The following DOP1B variants were observed in gnomAD, a reference collection of about 807,000 sequenced individuals.
The protein encoded by DOP1B is DOP1 leucine zipper like protein B.
In DOP1B, 174 loss-of-function variants were observed where a neutral mutation model predicts 233.5. That is an observed-to-expected ratio of 0.75 (90% confidence interval 0.66 to 0.85). DOP1B has a LOEUF of 0.85. Among genes scored for constraint, DOP1B ranks in the 40% least tolerant of loss-of-function variants. The pLI is 0.00. For missense variants in DOP1B, 2,652 were observed against 2,846.6 expected (o/e 0.93, Z 1.56); for synonymous variants, 1,190 against 1,185.6 (o/e 1.00, Z -0.08).
chr21:36,237,985 T>C (rs574965693), intron 16 of DOP1B, among the ~76,000 whole-genome samples: 3 of 152,240 alleles, frequency 2.0e-5, no homozygotes, highest in South Asian at 4.1e-4. Context: ...CTGGGCAACA[T>C]GGTGAAACCC....
At chr21:36,168,848 A>T in intron 2 of DOP1B, 3 of 345,556 alleles carry the variant, frequency 8.7e-6, no homozygotes, top group South Asian at 3.1e-5. Context: ...TCAGTTTTTT[A>T]AAAATGATAA....
In DOP1B at chr21:36,288,799, A is replaced by T. The variant is rs1047052221; in HGVS notation, c.6341A>T (p.Asp2114Val). The T allele has an allele frequency of 1.9e-6, 3 of 1,613,366 alleles. No individual in the cohort carries two copies. In the East Asian group the frequency reaches 6.7e-5, roughly 36 times the overall value. The change falls in exon 34 of 37, where the codon GAT (aspartate) becomes GTT (valine). Residue 2114 changes from aspartate (D) to valine (V), a missense_variant. Transcript: ENST00000691173. ...CTTGAAGAAGATCTAAAAGATGAAG[A>T]TGAGTCATTGAGGTAAGCAGTACAA... The part of the protein sequence containing the change: ...TQLEEDLKDE[D>V]ESLRSTNKVN...
At chr21:36,280,847 C>A (rs1555899951) in intron 31 of DOP1B, among the ~76,000 whole-genome samples, 3 of 151,872 alleles carry the variant, frequency 2.0e-5, no homozygotes, top group Non-Finnish European at 1.5e-5. Flanking sequence ...ACTAAAAATA[C>A]AAAAAATAGC....
chr21:36,169,441 G>T (rs536490854), intron 2 of DOP1B: 17 of 1,046,750 alleles, frequency 1.6e-5, no homozygotes, highest in East Asian at 7.1e-5. Flanking sequence ...CCTTGCACAG[G>T]CCTCGGTGGG....
chr21:36,230,365 A>G (rs2066745629), intron 13 of DOP1B, 85 bp from the exon 14 acceptor site: 5 of 1,428,838 alleles, frequency 3.5e-6, no homozygotes, highest in Non-Finnish European at 4.7e-6. Context: ...GAAAAACAGA[A>G]TTGAAATACA....
At chr21:36,289,949 G>A (rs890866337) in intron 35 of DOP1B, among the ~76,000 whole-genome samples, 4 of 152,196 alleles carry the variant, frequency 2.6e-5, no homozygotes, top group Non-Finnish European at 5.9e-5. Flanking sequence ...TGAAATTATT[G>A]CATACAGAGC....
Position 36,263,621 on chromosome 21 carries a change from A to G in DOP1B, c.5391A>G (p.Leu1797=), listed in dbSNP as rs762994813. The G allele has an allele frequency of 6.2e-7, 1 of 1,614,190 alleles. No individual in the cohort carries two copies. Among genetic ancestry groups the G allele is most frequent in the Non-Finnish European group, 8.5e-7 (1 of 1,180,036 alleles). ...GVLKESVQLN[L]APPGYFLLLS... is the part of the protein sequence containing the mutation. ...TGAAAGAGTCTGTACAGTTGAATCT[A>G]GCCCCACCTGGGTATTTTCTGCTTC... Residue 1797 remains leucine, a synonymous_variant, in exon 25 of 37, where the codon CTA becomes CTG. Coordinates refer to ENST00000691173, the MANE Select transcript of DOP1B (RefSeq NM_001320714.2).
chr21:36,251,117 GC>G, intron 21 of DOP1B, 44 bp from the exon 22 acceptor site: 1 of 1,589,538 alleles, frequency 6.3e-7, no homozygotes, highest in Non-Finnish European at 8.5e-7. Context: ...TGATGCCATA[GC>G]CCCAATATTA....
At chr21:36,214,657 A>G (rs372455978) in intron 9 of DOP1B, 101 bp downstream of exon 9, 1 of 1,022,762 alleles carries the variant, frequency 9.8e-7, no homozygotes, top group Non-Finnish European at 1.4e-6. Flanking sequence ...TATTTTGAAT[A>G]TAATTTAATA....
At chr21:36,242,193 A>ATTATTATT (rs1475307205) in intron 18 of DOP1B, among the ~76,000 whole-genome samples, 1 of 98,540 alleles carries the variant, frequency 1.0e-5, no homozygotes, top group African/African-American at 4.7e-5. Context: ...TTATTATTGA[A>ATTATTATT]GAAGAGTCTC....
At chr21:36,247,880 G>A (rs554958555) in intron 20 of DOP1B, among the ~76,000 whole-genome samples, 7 of 152,386 alleles carry the variant, frequency 4.6e-5, no homozygotes, top group African/African-American at 1.7e-4. Flanking sequence ...AAATGCATAA[G>A]TATGTATGTC....
rs771016148 is a variant in DOP1B at position 36,292,240 on chromosome 21, G to GCTTTT, written c.6645+23_6645+27dup. On this transcript the variant is annotated splice_region_variant and intron_variant, in intron 36 of 36. Coordinates refer to ENST00000691173, the MANE Select transcript of DOP1B (RefSeq NM_001320714.2). ...TCTAAAATTAAAGTTTGGGGTAAGT[G>GCTTTT]CTTTTCTTTTCTTTTCTTTTTTTTT... 7.0e-6 allele frequency: 11 copies of GCTTTT among 1,560,550 alleles called. No homozygotes were observed. The highest frequency in any genetic ancestry group is 1.2e-5 in the South Asian group (1 of 83,362).
chr21:36,159,218 A>G (rs1007767921), intron 1 of DOP1B, among the ~76,000 whole-genome samples: 5 of 152,000 alleles, frequency 3.3e-5, no homozygotes, highest in Admixed American at 2.0e-4. Context: ...TTGGGAGGCC[A>G]AGGTGGGTGG....
At chr21:36,270,640 A>G (rs111610834) in intron 27 of DOP1B, among the ~76,000 whole-genome samples, 4,471 of 145,652 alleles carry the variant, frequency 0.031, 254 homozygotes, top group African/African-American at 0.11. Context: ...GAGGCCAGGC[A>G]TGGTGGCTCA....
chr21:36,242,418 A>G (rs191869887), intron 18 of DOP1B, among the ~76,000 whole-genome samples: 1,967 of 152,108 alleles, frequency 0.013, 35 homozygotes, highest in African/African-American at 0.046. Context: ...CAAGTGATCC[A>G]TGCGCCTCTA....
At chr21:36,211,719 A>C in intron 6 of DOP1B, 68 bp downstream of exon 6, 1 of 1,522,028 alleles carries the variant, frequency 6.6e-7, no homozygotes, top group Non-Finnish European at 9.1e-7. Context: ...GATCTCAAGC[A>C]GTTCTGTCGT....
intron 2 of DOP1B, among the ~76,000 whole-genome samples, chr21:36,165,527 G>A (rs566267662): frequency 3.9e-5 from 6 of 152,150 alleles, no homozygotes; most frequent in Middle Eastern, 3.4e-3. Context: ...CCCCCAGGCC[G>A]CTGACCGGTA....
At chr21:36,257,899 A>T (rs952543806) in intron 23 of DOP1B, among the ~76,000 whole-genome samples, 2 of 151,476 alleles carry the variant, frequency 1.3e-5, no homozygotes, top group Admixed American at 6.6e-5. Flanking sequence ...AGGTAGGTAG[A>T]TGTAGGTAGG....
At chr21:36,208,292 C>T (rs1290736574) in intron 4 of DOP1B, among the ~76,000 whole-genome samples, 2 of 152,212 alleles carry the variant, frequency 1.3e-5, no homozygotes, top group Non-Finnish European at 2.9e-5. Context: ...GATCAGTCTC[C>T]TCAGCATATG....
Sources: allele counts gnomAD v4.1 joint callset (sites outside exome capture counted in the v4.1 genomes callset), GRCh38; gene constraint gnomAD v4.1.1; transcripts MANE v1.5; gene names NCBI Gene and HGNC (gene_info 2026-07-23, HGNC 2026-07-21).